Variants in DLG2 observed in about 807,000 individuals in gnomAD.
DLG2 encodes discs large MAGUK scaffold protein 2.
Under a neutral mutation model 132.5 loss-of-function variants are expected in DLG2, and 45 were observed. The observed-to-expected ratio is 0.34, with a 90% CI of 0.27 to 0.44. The LOEUF (loss-of-function observed/expected upper bound fraction) is 0.44. Ranked by LOEUF, DLG2 falls within the 20% of genes least tolerant of loss-of-function variation. The pLI is 1.00. For missense variants in DLG2, 1,045 were observed against 1,196.9 expected (o/e 0.87, Z 1.87); for synonymous variants, 424 against 419.6 (o/e 1.01, Z -0.13).
At chr11:84,781,602 T>C (rs2153909886) in intron 6 of DLG2, among the ~76,000 whole-genome samples, 1 of 152,244 alleles carries the variant, frequency 6.6e-6, no homozygotes, top group South Asian at 2.1e-4. Context: ...AACATACTAC[T>C]TCTTATTACC....
At chr11:84,325,705 A>G (rs2098427044) in intron 7 of DLG2, among the ~76,000 whole-genome samples, 1 of 152,120 alleles carries the variant, frequency 6.6e-6, no homozygotes, top group Non-Finnish European at 1.5e-5. Context: ...ATTGGTGTGC[A>G]GTAGTATTTC....
chr11:83,796,119 C>T (rs2042765096), intron 17 of DLG2, among the ~76,000 whole-genome samples: 1 of 152,106 alleles, frequency 6.6e-6, no homozygotes, highest in Non-Finnish European at 1.5e-5. Context: ...ATAATAGGTG[C>T]AAAAGAATAA....
intron 19 of DLG2, among the ~76,000 whole-genome samples, chr11:83,623,767 G>T (rs1218949631): frequency 6.6e-6 from 1 of 152,230 alleles, no homozygotes; most frequent in African/African-American, 2.4e-5. Context: ...AGTGATTTCT[G>T]TCTATTTCCT....
intron 18 of DLG2, among the ~76,000 whole-genome samples, chr11:83,716,246 A>C (rs555858285): frequency 6.6e-6 from 1 of 152,178 alleles, no homozygotes; most frequent in African/African-American, 2.4e-5. Context: ...ACATATCAAT[A>C]AATCTATTTC....
chr11:84,107,015 A>T (rs973469141), intron 9 of DLG2, among the ~76,000 whole-genome samples: 9 of 139,454 alleles, frequency 6.5e-5, no homozygotes, highest in South Asian at 2.2e-4. Context: ...TGTGTGTGTG[A>T]GAGAGTTTTA....
intron 7 of DLG2, among the ~76,000 whole-genome samples, chr11:84,356,448 G>A (rs1391583506): frequency 6.6e-6 from 1 of 152,188 alleles, no homozygotes; most frequent in South Asian, 2.1e-4. Context: ...TAGTTGTTAA[G>A]AGCATGGCAT....
chr11:85,362,588 ATTTGG>A (rs2084244928), intron 3 of DLG2, among the ~76,000 whole-genome samples: 2 of 151,580 alleles, frequency 1.3e-5, no homozygotes, highest in Admixed American at 6.6e-5. Context: ...CTCTTTTCCA[ATTTGG>A]ATGCCTTTTT....
chr11:83,750,355 C>T (rs2093221782), intron 18 of DLG2, among the ~76,000 whole-genome samples: 1 of 152,082 alleles, frequency 6.6e-6, no homozygotes, highest in Non-Finnish European at 1.5e-5. Context: ...TTCTGAATAC[C>T]TGAATTGCAC....
chr11:83,755,535 C>T (rs1174390585), intron 18 of DLG2, among the ~76,000 whole-genome samples: 2 of 151,266 alleles, frequency 1.3e-5, no homozygotes, highest in Admixed American at 6.6e-5. Flanking sequence ...CTTTCCCAGA[C>T]TCAAAAAACA....
intron 3 of DLG2, among the ~76,000 whole-genome samples, chr11:85,293,842 G>A (rs1192068100): frequency 6.6e-6 from 1 of 152,074 alleles, no homozygotes; most frequent in Non-Finnish European, 1.5e-5. Context: ...ATTTATATAA[G>A]AGAATATTCT....
At chr11:84,513,359 A>G (rs971742766) in intron 7 of DLG2, among the ~76,000 whole-genome samples, 12 of 152,062 alleles carry the variant, frequency 7.9e-5, no homozygotes, top group African/African-American at 7.2e-5. Context: ...CAGAATCACA[A>G]AAGACCCAGA....
At chr11:84,617,350 A>C (rs898802409) in intron 6 of DLG2, among the ~76,000 whole-genome samples, 1 of 152,082 alleles carries the variant, frequency 6.6e-6, no homozygotes, top group Non-Finnish European at 1.5e-5. Flanking sequence ...TTCCACGGTG[A>C]ATATGTACCA....
In DLG2 at chr11:84,451,575, T is replaced by C. The variant is rs180855624; in HGVS notation, c.519+82995A>G. Among the ~76,000 whole-genome samples, 810 of 151,882 alleles carry C rather than the reference T, an allele frequency of 5.3e-3. 4 individuals are homozygous for C. The highest frequency in any genetic ancestry group is 0.011 in the Admixed American group (161 of 15,204). ...GGGAGTATATATGTCTAATAAGCAA[T>C]GTGATAAAGTAATCCCTCCTCCACT... On this transcript the variant is annotated intron_variant, in intron 7 of 27. Transcript: ENST00000376104.
At chr11:84,374,031 T>C (rs1394023970) in intron 7 of DLG2, among the ~76,000 whole-genome samples, 1 of 152,174 alleles carries the variant, frequency 6.6e-6, no homozygotes, top group Non-Finnish European at 1.5e-5. Flanking sequence ...CCTGCTTTTT[T>C]CACAGGCAGA....
At chr11:85,609,644 G>T (rs934798674) in intron 2 of DLG2, among the ~76,000 whole-genome samples, 56 of 152,298 alleles carry the variant, frequency 3.7e-4, no homozygotes, top group Middle Eastern at 3.4e-3. Context: ...AGGTTCTCTG[G>T]GCCAGTAACC....
intron 6 of DLG2, among the ~76,000 whole-genome samples, chr11:84,549,743 T>A (rs1327879747): frequency 6.6e-6 from 1 of 152,134 alleles, no homozygotes; most frequent in African/African-American, 2.4e-5. Context: ...AGATTCTTCC[T>A]ATTTCTCTTT....
chr11:83,933,497 G>T (rs1417825090), intron 14 of DLG2, among the ~76,000 whole-genome samples: 3 of 152,178 alleles, frequency 2.0e-5, no homozygotes, highest in Non-Finnish European at 4.4e-5. Flanking sequence ...ACATCTATGG[G>T]TTTATAATTG....
At chr11:84,784,655 C>G (rs1271457751) in intron 6 of DLG2, among the ~76,000 whole-genome samples, 1 of 151,912 alleles carries the variant, frequency 6.6e-6, no homozygotes, top group African/African-American at 2.4e-5. Flanking sequence ...AAAAATAACT[C>G]TAGTACCAAC....
At chr11:84,044,196 T>A (rs11233885) in intron 11 of DLG2, among the ~76,000 whole-genome samples, 15,536 of 151,810 alleles carry the variant, frequency 0.1, 1,072 homozygotes, top group African/African-American at 0.19. Context: ...ACAATACCTA[T>A]AGGGTTTCTT....
Sources: allele counts gnomAD v4.1 joint callset (sites outside exome capture counted in the v4.1 genomes callset), GRCh38; gene constraint gnomAD v4.1.1; transcripts MANE v1.5; gene names NCBI Gene and HGNC (gene_info 2026-07-23, HGNC 2026-07-21).